PRIM2: variants seen among roughly 807,000 people sequenced by gnomAD.
PRIM2 encodes the protein DNA primase large subunit.
PRIM2 carries 39 observed loss-of-function variants against 67.3 expected under a neutral mutation model. The observed-to-expected ratio is 0.58, with a 90% CI of 0.45 to 0.76. The LOEUF (loss-of-function observed/expected upper bound fraction) is 0.76. PRIM2 is among the 30% of genes least tolerant of loss of function. The pLI, the probability that PRIM2 is intolerant of heterozygous loss-of-function variation, is 0.00. For synonymous variants in PRIM2, 143 were observed against 198.7 expected (o/e 0.72, Z 2.36); for missense variants, 398 against 598.7 (o/e 0.66, Z 3.50).
intron 10 of PRIM2, among the ~76,000 whole-genome samples, chr6:57,559,770 C>T (rs1474623169): frequency 1.1e-3 from 162 of 152,306 alleles, no homozygotes; most frequent in Non-Finnish European, 1.7e-3. Context: ...ACACTGCAGT[C>T]TATTAAGTGT....
At chr6:57,262,665 C>T in the PRIM2 span, among the ~76,000 whole-genome samples, 2 of 152,162 alleles carry the variant, frequency 1.3e-5, no homozygotes, top group South Asian at 2.1e-4. Context: ...CTCCATTTGG[C>T]CTCTGTGGTG....
At chr6:57,618,725 A>G (rs1282155876) in intron 12 of PRIM2, among the ~76,000 whole-genome samples, 218 of 152,224 alleles carry the variant, frequency 1.4e-3, no homozygotes, top group African/African-American at 5.1e-3. Context: ...GCACAACTCC[A>G]GTGACCTGGG....
At chr6:57,603,046 A>G (rs1776498471) in intron 11 of PRIM2, among the ~76,000 whole-genome samples, 3 of 152,284 alleles carry the variant, frequency 2.0e-5, no homozygotes, top group East Asian at 3.9e-4. Flanking sequence ...ACAAGAGTTC[A>G]TTGTGTATTT....
chr6:57,342,185 T>C (rs1347205239), intron 5 of PRIM2, among the ~76,000 whole-genome samples: 1 of 152,240 alleles, frequency 6.6e-6, no homozygotes, highest in East Asian at 1.9e-4. Flanking sequence ...TAGTAGATTC[T>C]GAATCCTTAT....
At chr6:57,618,978 G>T (rs1776803974) in intron 12 of PRIM2, among the ~76,000 whole-genome samples, 1 of 152,320 alleles carries the variant, frequency 6.6e-6, no homozygotes. Flanking sequence ...GCACAAAAAT[G>T]GAGCATTAAA....
the PRIM2 span, among the ~76,000 whole-genome samples, chr6:57,303,552 TA>T: frequency 6.6e-6 from 1 of 152,208 alleles, no homozygotes; most frequent in East Asian, 1.9e-4. Context: ...CCACTTGTGA[TA>T]CCAGTAAAGC....
intron 3 of PRIM2, among the ~76,000 whole-genome samples, chr6:57,321,596 T>A (rs1358175476): frequency 6.8e-6 from 1 of 146,144 alleles, no homozygotes; most frequent in Admixed American, 6.7e-5. Context: ...AAGTAGGAGA[T>A]GAACCAGGAT....
intron 5 of PRIM2, among the ~76,000 whole-genome samples, chr6:57,343,719 G>A (rs994115834): frequency 5.3e-5 from 8 of 152,188 alleles, no homozygotes; most frequent in African/African-American, 1.9e-4. Flanking sequence ...AAGGAATTAG[G>A]AGGAACGGGA....
intron 7 of PRIM2, among the ~76,000 whole-genome samples, chr6:57,431,994 T>C (rs73749601): frequency 1.2e-4 from 19 of 152,188 alleles, no homozygotes; most frequent in Non-Finnish European, 2.2e-4. Context: ...TTGGGTCTAA[T>C]GTAGGTATTT....
At chr6:57,393,446 T>C (rs1581858634) in intron 7 of PRIM2, among the ~76,000 whole-genome samples, 1 of 152,172 alleles carries the variant, frequency 6.6e-6, no homozygotes. Context: ...CGGCCATTTG[T>C]ATATCTTCTT....
At chr6:57,385,716 T>G (rs1316287144) in intron 7 of PRIM2, among the ~76,000 whole-genome samples, 1 of 152,230 alleles carries the variant, frequency 6.6e-6, no homozygotes, top group Non-Finnish European at 1.5e-5. Flanking sequence ...TTGTTACTTT[T>G]GAAGATTATC....
rs1463693455 is a variant in PRIM2 at position 57,640,339 on chromosome 6, C to G, written c.1300-5589C>G. 7.2e-5 allele frequency among the ~76,000 whole-genome samples: 11 copies of G among 152,276 alleles called. No homozygotes were observed. In the South Asian group the frequency reaches 1.2e-3, roughly 17 times the overall value. On this transcript the variant is annotated intron_variant, in intron 13 of 13. Coordinates refer to ENST00000615550, the MANE Select transcript of PRIM2 (RefSeq NM_000947.5). The stretch of plus-strand genomic sequence containing the variant: ...TGAAAACTGGCACAAGACAAGGATG[C>G]CCTCTCTCACCACTCCTATTCAACA...
chr6:57,314,029 C>A (rs923728196), upstream of PRIM2, among the ~76,000 whole-genome samples: 54 of 152,208 alleles, frequency 3.5e-4, no homozygotes, highest in African/African-American at 1.3e-3. Context: ...CATGGAAATT[C>A]TGCCAGAGAA....
chr6:57,236,269 C>T, the PRIM2 span, among the ~76,000 whole-genome samples: 2 of 152,090 alleles, frequency 1.3e-5, no homozygotes, highest in Admixed American at 6.5e-5. Context: ...GTCATTCTTC[C>T]TTCCCTGTAG....
At chr6:57,224,159 G>C in the PRIM2 span, among the ~76,000 whole-genome samples, 1 of 152,180 alleles carries the variant, frequency 6.6e-6, no homozygotes. Flanking sequence ...GAGGGACCCA[G>C]GTGTGGCGAG....
chr6:57,250,816 C>T, the PRIM2 span, among the ~76,000 whole-genome samples: 9 of 152,134 alleles, frequency 5.9e-5, no homozygotes, highest in African/African-American at 1.7e-4. Flanking sequence ...ACAGGTTGAG[C>T]ATCCCAAATC....
intron 7 of PRIM2, among the ~76,000 whole-genome samples, chr6:57,457,218 G>T (rs62399122): frequency 1.3e-5 from 2 of 152,240 alleles, no homozygotes; most frequent in Non-Finnish European, 2.9e-5. Flanking sequence ...GCCTCCCAGT[G>T]AGGCTACTTG....
chr6:57,286,075 A>C, the PRIM2 span, among the ~76,000 whole-genome samples: 1 of 152,082 alleles, frequency 6.6e-6, no homozygotes, highest in East Asian at 1.9e-4. Flanking sequence ...TCTTCAAGGA[A>C]AACTAGAAAC....
chr6:57,254,216 A>T, the PRIM2 span, among the ~76,000 whole-genome samples: 1 of 152,190 alleles, frequency 6.6e-6, no homozygotes, highest in Admixed American at 6.5e-5. Context: ...CTACCTCATT[A>T]CTGATTAAAA....
Sources: allele counts gnomAD v4.1 joint callset (sites outside exome capture counted in the v4.1 genomes callset), GRCh38; gene constraint gnomAD v4.1.1; transcripts MANE v1.5; gene names NCBI Gene and HGNC (gene_info 2026-07-23, HGNC 2026-07-21).